SERPINA12: variants seen among roughly 807,000 people sequenced by gnomAD.
SERPINA12 encodes the protein serpin A12.
SERPINA12 carries 21 observed loss-of-function variants against 25.9 expected under a neutral mutation model. The ratio of observed to expected loss-of-function variants is 0.81; its 90% confidence interval spans 0.58 to 1.17. SERPINA12 has a LOEUF of 1.17. SERPINA12 is among the 50% of genes most tolerant of loss of function. SERPINA12 has a pLI of 0.00. For synonymous variants in SERPINA12, 220 were observed against 196.0 expected, an observed-to-expected ratio of 1.12 and a Z score of -1.02; for missense variants, 562 against 508.3, an observed-to-expected ratio of 1.11 and a Z score of -1.02.
At chr14:94,500,157 C>G (rs757167729) in intron 1 of SERPINA12, among the ~76,000 whole-genome samples, 3 of 152,190 alleles carry the variant, frequency 2.0e-5, no homozygotes, top group Non-Finnish European at 2.9e-5. Context: ...ACGCCAAGCA[C>G]TGTGGATAGA....
chr14:94,507,118 A>G (rs1480896218), intron 1 of SERPINA12, among the ~76,000 whole-genome samples: 1 of 152,240 alleles, frequency 6.6e-6, no homozygotes, highest in Admixed American at 6.5e-5. Flanking sequence ...TCCATACAGG[A>G]AAAATATAAA....
chr14:94,504,400 C>T (rs1031027257), intron 1 of SERPINA12, among the ~76,000 whole-genome samples: 1 of 152,204 alleles, frequency 6.6e-6, no homozygotes, highest in Non-Finnish European at 1.5e-5. Flanking sequence ...ACTCTATTTC[C>T]CAGTTGCTCT....
intron 3 of SERPINA12, among the ~76,000 whole-genome samples, chr14:94,492,461 T>G (rs1900217170): frequency 6.6e-6 from 1 of 152,214 alleles, no homozygotes; most frequent in African/African-American, 2.4e-5. Context: ...CTGCTTTGTC[T>G]TCTTGCATAG....
At chr14:94,495,085 T>A (rs1311203474) in intron 3 of SERPINA12, among the ~76,000 whole-genome samples, 49 of 137,792 alleles carry the variant, frequency 3.6e-4, no homozygotes, top group African/African-American at 1.2e-3. Context: ...TTTTTTTTTT[T>A]TGAGATGGAG....
upstream of SERPINA12, among the ~76,000 whole-genome samples, chr14:94,512,111 C>T (rs1901126639): frequency 6.6e-6 from 1 of 152,034 alleles, no homozygotes; most frequent in Non-Finnish European, 1.5e-5. Flanking sequence ...CAAAACAAAA[C>T]AAAACAAGAG....
At chr14:94,497,689 G>A (rs1900495179) in intron 2 of SERPINA12, 75 bp downstream of exon 2, 1 of 1,410,814 alleles carries the variant, frequency 7.1e-7, no homozygotes, top group Non-Finnish European at 9.6e-7. Flanking sequence ...GAGTAAACAA[G>A]TGGCCAACCC....
chr14:94,503,637 A>G (rs1201384542), intron 1 of SERPINA12, among the ~76,000 whole-genome samples: 2 of 152,250 alleles, frequency 1.3e-5, no homozygotes, highest in Admixed American at 1.3e-4. Context: ...AATGAGGCCC[A>G]GAGTGGACAA....
At chr14:94,503,155 G>C in intron 1 of SERPINA12, 1 of 962,782 alleles carries the variant, frequency 1.0e-6, no homozygotes, top group Non-Finnish European at 1.2e-6. Context: ...ATATACATCA[G>C]AAATTAAATT....
upstream of SERPINA12, chr14:94,510,141 G>T (rs1901071601): frequency 1.0e-6 from 1 of 985,304 alleles, no homozygotes; most frequent in African/African-American, 1.7e-5. Context: ...CCCTTCCTCT[G>T]GTTCTCAGTG....
intron 4 of SERPINA12, 120 bp downstream of exon 4, chr14:94,489,500 G>A (rs1900059841): frequency 6.0e-6 from 7 of 1,174,492 alleles, no homozygotes; most frequent in Non-Finnish European, 7.1e-6. Flanking sequence ...CTGCATTCAT[G>A]CCCGCCCCGA....
At position 94,487,646 on chromosome 14, in the gene SERPINA12, C is replaced by T. The variant is rs1175805718; in HGVS notation, c.1054-152G>A. ...TTTACTCCAGGGTTCCTGGCTCTTT[C>T]GCCATTAATGCTGGAGAATATTCGA... On this transcript the variant is annotated intron_variant, in intron 4 of 4. Coordinates refer to ENST00000677451, the MANE Select transcript of SERPINA12 (RefSeq NM_001382267.1). 9.3e-6 allele frequency: 5 copies of T among 538,274 alleles called. No individual in the cohort carries two copies. The East Asian group carries it at 9.3e-5, about 10-fold the overall frequency. 33.3% of individuals were successfully genotyped at this position (538,274 alleles called of 1,614,324 possible). A position where few individuals can be genotyped will look rare whatever the true frequency, so the allele number is the denominator to read the frequency against.
chr14:94,490,731 C>A (rs1223719883), intron 3 of SERPINA12, among the ~76,000 whole-genome samples: 1 of 152,170 alleles, frequency 6.6e-6, no homozygotes, highest in Admixed American at 6.5e-5. Context: ...GGCTCTTTGA[C>A]CTCAACTTTT....
At chr14:94,515,670 GCAGTGCAGATGCGGGCAAA>G (rs766682106) in intron 2 of SERPINA12, 16,628 of 151,930 alleles carry the variant, frequency 0.11, 1,146 homozygotes, top group Middle Eastern at 0.21. Context: ...ATGCAGGCAA[GCAGTGCAGATGCGGGCAAA>G]CAGTGCAGAT....
intron 1 of SERPINA12, among the ~76,000 whole-genome samples, chr14:94,508,956 A>G (rs1194830496): frequency 6.6e-6 from 1 of 152,152 alleles, no homozygotes; most frequent in Non-Finnish European, 1.5e-5. Context: ...TGTATTTTTC[A>G]TACCAACTTT....
intron 1 of SERPINA12, among the ~76,000 whole-genome samples, chr14:94,504,791 G>A (rs2139860669): frequency 6.6e-6 from 1 of 152,328 alleles, no homozygotes; most frequent in South Asian, 2.1e-4. Context: ...GTGCTGGGGT[G>A]ATGAGACTAT....
At chr14:94,509,012 G>C (rs1901030365) in intron 1 of SERPINA12, among the ~76,000 whole-genome samples, 1 of 152,160 alleles carries the variant, frequency 6.6e-6, no homozygotes, top group Non-Finnish European at 1.5e-5. Flanking sequence ...TGAGAAATCT[G>C]AGTTTCCTAT....
At position 94,505,361 on chromosome 14, in the gene SERPINA12, C is replaced by T. The variant is rs1900895072; in HGVS notation, c.-34+3981G>A. Reference sequence around the variant, plus strand: ...ATGGGGATATGGGTTCCAGAGCTGCCCAGATCAGAAACCACCCCTGAAGAT... The same window carrying T: ...ATGGGGATATGGGTTCCAGAGCTGCTCAGATCAGAAACCACCCCTGAAGAT... On this transcript the variant is annotated intron_variant, in intron 1 of 4. Coordinates refer to ENST00000677451, the MANE Select transcript of SERPINA12 (RefSeq NM_001382267.1). 2.6e-5 allele frequency among the ~76,000 whole-genome samples: 4 copies of T among 152,176 alleles called. No homozygotes were observed. In the South Asian group the frequency reaches 8.3e-4, roughly 31 times the overall value.
Position 94,497,872 on chromosome 14 carries a change from G to A in SERPINA12, c.526C>T (p.Gln176Ter). The A allele has an allele frequency of 3.1e-6, 5 of 1,614,030 alleles. No homozygotes were observed. The highest frequency in any genetic ancestry group is 2.2e-5 in the East Asian group (1 of 44,886). ...TTTTGACTGATAAAGTCATTGATCT[G>A]CTTCTGAGCCATTTCCAAATTCTGA... ...NFQNLEMAQK[Q>*]INDFISQKTH... Residue 176 changes from glutamine to a stop codon, truncating the protein, a stop_gained, in exon 2 of 5, where the codon CAG becomes TAG. Coordinates refer to ENST00000677451, the MANE Select transcript of SERPINA12 (RefSeq NM_001382267.1). LOFTEE classifies it high-confidence loss of function.
Position 94,496,536 on chromosome 14 carries a change from G to T in SERPINA12, c.742C>A (p.Gln248Lys), listed in dbSNP as rs1212358871. ...VPMMFRSGIY[Q>K]VGYDDKLSCT... The stretch of plus-strand genomic sequence containing the variant: ...GAGAGCTTATCGTCATAGCCAACTT[G>T]GTATATGCCACTACGGAACATCATG... Residue 248 changes from glutamine (Q) to lysine (K), a missense_variant, in exon 3 of 5, where the codon CAA becomes AAA. By Grantham distance (53) the Gln-to-Lys change is moderately conservative. Coordinates refer to ENST00000677451, the MANE Select transcript of SERPINA12 (RefSeq NM_001382267.1). The T allele has an allele frequency of 6.2e-6, 10 of 1,613,840 alleles. No homozygotes were observed. In the East Asian group the frequency reaches 1.8e-4, roughly 29 times the overall value.
Sources: allele counts gnomAD v4.1 joint callset (sites outside exome capture counted in the v4.1 genomes callset), GRCh38; gene constraint gnomAD v4.1.1; transcripts MANE v1.5; gene names NCBI Gene and HGNC (gene_info 2026-07-23, HGNC 2026-07-21).